The following GTF3C1 variants were observed in gnomAD, a reference collection of about 807,000 sequenced individuals.
GTF3C1 encodes general transcription factor IIIC subunit 1, also known as general transcription factor 3C polypeptide 1.
In GTF3C1, 57 loss-of-function variants were observed where a neutral mutation model predicts 226.7. The observed-to-expected ratio is 0.25, with a 90% CI of 0.20 to 0.31. The LOEUF (loss-of-function observed/expected upper bound fraction) is 0.31, where lower values mean the gene tolerates loss of function less well. GTF3C1 is among the 10% of genes least tolerant of loss of function. The pLI is 1.00. For synonymous variants in GTF3C1, 1,090 were observed against 1,084.8 expected (o/e 1.00, Z -0.09); for missense variants, 2,217 against 2,776.1 (o/e 0.80, Z 4.53).
intron 12 of GTF3C1, among the ~76,000 whole-genome samples, chr16:27,499,611 T>C (rs566148959): frequency 2.7e-4 from 41 of 152,324 alleles, no homozygotes; most frequent in Non-Finnish European, 4.3e-4. Flanking sequence ...CTTGGCTCAT[T>C]TTCTCCGAAT....
At chr16:27,491,568 G>C (rs2088233264) in intron 19 of GTF3C1, among the ~76,000 whole-genome samples, 2 of 152,166 alleles carry the variant, frequency 1.3e-5, no homozygotes, top group South Asian at 4.1e-4. Context: ...AGTAGGAGTG[G>C]GCATCTGAGA....
chr16:27,549,397 T>C (rs1302264257), intron 1 of GTF3C1, among the ~76,000 whole-genome samples: 1 of 151,992 alleles, frequency 6.6e-6, no homozygotes, highest in Non-Finnish European at 1.5e-5. Flanking sequence ...CTGAAGAATA[T>C]CCCCAATCCT....
intron 5 of GTF3C1, among the ~76,000 whole-genome samples, 164 bp downstream of exon 5, chr16:27,533,127 G>A (rs1596657650): frequency 2.0e-5 from 3 of 152,170 alleles, no homozygotes; most frequent in Admixed American, 2.0e-4. Context: ...GCAAGACTCT[G>A]TCTCAAAAAA....
intron 23 of GTF3C1, among the ~76,000 whole-genome samples, chr16:27,486,841 A>G (rs1254932917): frequency 2.0e-5 from 3 of 152,244 alleles, no homozygotes; most frequent in Non-Finnish European, 4.4e-5. Context: ...TATAATTAGA[A>G]TACTACTTTA....
chr16:27,463,469 C>G lies in GTF3C1; in HGVS notation c.5924+72G>C. ...CTGGGGAAAGACCCTCAAAGACCCT[C>G]ACACAAATCCTTACACTCGGTCCCT... On this transcript the variant is annotated intron_variant, in intron 35 of 36. Transcript: ENST00000356183. This position sits in a 1 kb window ranked among gnomAD's most constrained non-coding sequence, Gnocchi z 4.9. 1 of 869,268 alleles carries G rather than the reference C, an allele frequency of 1.2e-6. No individual in the cohort carries two copies. The highest frequency in any genetic ancestry group is 1.9e-6 in the Non-Finnish European group (1 of 513,670). 53.8% of individuals were successfully genotyped at this position (869,268 alleles called of 1,614,324 possible). A position where few individuals can be genotyped will look rare whatever the true frequency, so the allele number is the denominator to read the frequency against.
chr16:27,514,855 C>T (rs538302483), intron 6 of GTF3C1, among the ~76,000 whole-genome samples: 1 of 152,290 alleles, frequency 6.6e-6, no homozygotes, highest in East Asian at 1.9e-4. Context: ...GGTTTAGACG[C>T]CCCTGATTCA....
chr16:27,481,959 G>A (rs1184152915), intron 26 of GTF3C1, among the ~76,000 whole-genome samples: 2 of 152,192 alleles, frequency 1.3e-5, no homozygotes, highest in South Asian at 2.1e-4. Flanking sequence ...AATTTGCTGT[G>A]GGGAGGGAGG....
chr16:27,501,389 G>A (rs1252839111), intron 11 of GTF3C1, 45 bp from the exon 12 acceptor site: 3 of 1,580,680 alleles, frequency 1.9e-6, no homozygotes, highest in Non-Finnish European at 2.6e-6. Context: ...ATCTCAACAT[G>A]GAAGGCCTTC....
At chr16:27,531,259 T>C (rs1191817551) in intron 5 of GTF3C1, among the ~76,000 whole-genome samples, 1 of 152,230 alleles carries the variant, frequency 6.6e-6, no homozygotes, top group Non-Finnish European at 1.5e-5. Context: ...TACCTTCCTA[T>C]CCAGCCACAC....
chr16:27,537,712 CTACAATTTTTAAAGCA>C (rs2089021857), intron 4 of GTF3C1, 56 bp downstream of exon 4: 1 of 1,120,230 alleles, frequency 8.9e-7, no homozygotes, highest in Non-Finnish European at 1.3e-6. Flanking sequence ...CCAGCTGCCC[CTACAATTTTTAAAGCA>C]TACTACACAT....
intron 4 of GTF3C1, among the ~76,000 whole-genome samples, chr16:27,534,562 G>A (rs1293425879): frequency 3.3e-5 from 5 of 152,216 alleles, no homozygotes; most frequent in Non-Finnish European, 5.9e-5. Flanking sequence ...AAGAGGCAAC[G>A]GTGGTTCAAA....
Position 27,511,807 on chromosome 16 carries a change from T to C in GTF3C1, c.1068A>G (p.Thr356=). ...CGAACACAATGTCCACTGGAGGCAC[T>C]GTCTTGGAGATGACCTCCTCGTCCT... is the stretch of plus-strand genomic sequence containing the variant. The part of the protein sequence containing the change: ...DDEDEEVISK[T]VPPVDIVFER... The change falls in exon 7 of 37, where the codon ACA becomes ACG. Residue 356 remains threonine (T), a synonymous_variant. Transcript: ENST00000356183. 1.9e-6 allele frequency: 3 copies of C among 1,614,222 alleles called. No individual in the cohort carries two copies. Among genetic ancestry groups the C allele is most frequent in the Non-Finnish European group, 2.5e-6 (3 of 1,180,038 alleles).
chr16:27,536,577 C>G (rs758957385), intron 4 of GTF3C1, among the ~76,000 whole-genome samples: 1 of 152,190 alleles, frequency 6.6e-6, no homozygotes, highest in East Asian at 1.9e-4. Context: ...CCTGGAGATC[C>G]GCAGTCAATA....
intron 23 of GTF3C1, among the ~76,000 whole-genome samples, chr16:27,486,886 CTG>C (rs1283488136): frequency 6.6e-6 from 1 of 152,222 alleles, no homozygotes. Context: ...ATTGTTATCA[CTG>C]TTTTTTGTTG....
intron 6 of GTF3C1, among the ~76,000 whole-genome samples, chr16:27,526,932 TTGG>T (rs2088842072): frequency 6.6e-6 from 1 of 152,206 alleles, no homozygotes. Flanking sequence ...ATAACTGGAC[TTGG>T]TGGCTCACGC....
In GTF3C1 at chr16:27,492,779, A is replaced by G. The variant is rs903610400; in HGVS notation, c.2877-66T>C. ...CTCGCAGCCGGCCGCAGGGGTCTGC[A>G]TGTGGGGTGAGGGGTGCGACTTCCT... On this transcript the variant is annotated intron_variant, in intron 17 of 36. Coordinates refer to ENST00000356183, the MANE Select transcript of GTF3C1 (RefSeq NM_001520.4). This position sits in a 1 kb window ranked among gnomAD's most constrained non-coding sequence, Gnocchi z 5.0. 1.3e-5 allele frequency: 12 copies of G among 902,566 alleles called. No homozygotes were observed. Among genetic ancestry groups the G allele is most frequent in the Non-Finnish European group, 1.7e-5 (9 of 532,570 alleles). The allele number at this position is 902,566 out of a possible 1,614,324, so 55.9% of individuals were successfully genotyped here. A position where few individuals can be genotyped will look rare whatever the true frequency, so the allele number is the denominator to read the frequency against.
intron 6 of GTF3C1, among the ~76,000 whole-genome samples, chr16:27,517,550 G>C (rs932914124): frequency 1.6e-4 from 24 of 152,180 alleles, no homozygotes; most frequent in African/African-American, 5.8e-4. Context: ...GATACAACCA[G>C]CACCCGCTCA....
chr16:27,507,047 T>G lies in GTF3C1; in HGVS notation c.1352A>C (p.Glu451Ala). The change falls in exon 9 of 37, where the codon GAG becomes GCG. Residue 451 changes from glutamate to alanine, a missense_variant. Glu to Ala is a moderately radical substitution (Grantham distance 107). Around this residue, in one of 12 missense-constraint regions of GTF3C1, gnomAD observed 173 missense variants for 207.2 expected, o/e 0.83. Transcript: ENST00000356183. The surrounding 1 kb of genome is among the most constrained non-coding windows in gnomAD (Gnocchi z 4.9). ...CGCCAGGCTCACGGTGGTCAAGAGCTCGCTGCGGGCCTTCTCTCTTTGGTA... is the reference window on the plus strand; with the variant it reads ...CGCCAGGCTCACGGTGGTCAAGAGCGCGCTGCGGGCCTTCTCTCTTTGGTA... ...RQYQREKARS[E>A]LLTTVSLASM... is the part of the protein sequence containing the mutation. The G allele has an allele frequency of 6.2e-7, 1 of 1,613,798 alleles. No individual in the cohort carries two copies. Among genetic ancestry groups the G allele is most frequent in the South Asian group, 1.1e-5 (1 of 91,062 alleles).
At chr16:27,484,120 A>G in intron 25 of GTF3C1, 91 bp downstream of exon 25, 1 of 956,888 alleles carries the variant, frequency 1.0e-6, no homozygotes, top group Non-Finnish European at 1.7e-6. Flanking sequence ...CAGACACCTC[A>G]GTGTGCTCCA....
Sources: gnomAD v4.1 joint callset for allele counts (sites outside exome capture counted in the v4.1 genomes callset) on GRCh38, gnomAD v4.1.1 for gene constraint, gnomAD v4.1.1 regional missense constraint, Gnocchi (gnomAD v3.1) non-coding constraint, MANE v1.5 for transcripts, NCBI Gene and HGNC (gene_info 2026-07-23, HGNC 2026-07-21) for gene names.